Variants in FLNB observed in about 807,000 individuals in gnomAD.
The protein encoded by FLNB is filamin-B.
In FLNB, 111 loss-of-function variants were observed where a neutral mutation model predicts 250.6. The observed-to-expected ratio is 0.44, with a 90% CI of 0.38 to 0.52. The LOEUF (loss-of-function observed/expected upper bound fraction) is 0.52, where lower values mean the gene tolerates loss of function less well. Among genes scored for constraint, FLNB ranks in the 20% least tolerant of loss-of-function variants. FLNB has a pLI of 0.00. For synonymous variants in FLNB, 1,302 were observed against 1,372.1 expected (o/e 0.95, Z 1.13); for missense variants, 2,869 against 3,447.8 (o/e 0.83, Z 4.20).
chr3:58,076,449 G>A (rs2106944067), intron 1 of FLNB, among the ~76,000 whole-genome samples: 1 of 152,144 alleles, frequency 6.6e-6, no homozygotes, highest in South Asian at 2.1e-4. Flanking sequence ...GTGTATATTT[G>A]TGAAATGATT....
rs754654191 is a variant in FLNB at position 58,130,796 on chromosome 3, T to C, written c.4278T>C (p.Ile1426=). 1 of 1,613,952 alleles carries C rather than the reference T, an allele frequency of 6.2e-7. No individual in the cohort carries two copies. Among genetic ancestry groups the C allele is most frequent in the Admixed American group, 1.7e-5 (1 of 60,012 alleles). ...TTGTGGACCCCAGCAAGGTCAAGAT[T>C]GCCGGCCCCGGGCTGGGCTCAGGCG... is the stretch of plus-strand genomic sequence containing the variant. ...KDVVDPSKVK[I]AGPGLGSGVR... is the part of the protein sequence containing the mutation. Residue 1426 remains isoleucine (I), a synonymous_variant, in exon 25 of 46, where the codon ATT becomes ATC. Transcript: ENST00000295956.
intron 10 of FLNB, among the ~76,000 whole-genome samples, chr3:58,104,360 G>A (rs1469985450): frequency 6.6e-6 from 1 of 152,200 alleles, no homozygotes; most frequent in African/African-American, 2.4e-5. Context: ...CAAATGGGCT[G>A]TGTGTCTAGA....
At chr3:58,100,369 A>ATATATATATATATATATATATATATATAT (rs1559692340) in intron 8 of FLNB, among the ~76,000 whole-genome samples, 2 of 26,618 alleles carry the variant, frequency 7.5e-5, no homozygotes, top group African/African-American at 6.0e-4. Flanking sequence ...ATATGTAAAA[A>ATATATATATATATATATATATATATATAT]AAAAATATAT....
In FLNB at chr3:58,154,952, G is replaced by A. The variant is rs536538257; in HGVS notation, c.6772+24G>A. ...TGGTATGTATTCAGGGTTCACAAGA[G>A]GACATTTTCCTTGTTTGAACATGAT... On this transcript the variant is annotated intron_variant, in intron 40 of 45. Transcript: ENST00000295956. The A allele has an allele frequency of 2.5e-6, 4 of 1,611,834 alleles. No homozygotes were observed. The South Asian group carries it at 4.4e-5, about 18-fold the overall frequency.
chr3:58,020,514 C>T (rs959884253), intron 1 of FLNB, among the ~76,000 whole-genome samples: 3 of 152,310 alleles, frequency 2.0e-5, no homozygotes, highest in South Asian at 4.1e-4. Context: ...CCTCCCCAGC[C>T]GTCGCAGGGC....
intron 18 of FLNB, among the ~76,000 whole-genome samples, chr3:58,117,584 G>T (rs1456503169): frequency 6.6e-6 from 1 of 152,274 alleles, no homozygotes; most frequent in South Asian, 2.1e-4. Flanking sequence ...GGAATGCCAC[G>T]TTGGCTGAAG....
chr3:58,103,918 C>T (rs757793900), intron 9 of FLNB, 41 bp from the exon 10 acceptor site: 1 of 1,613,084 alleles, frequency 6.2e-7, no homozygotes, highest in Non-Finnish European at 8.5e-7. Context: ...CATTTTGGGC[C>T]TAGGATTGTG....
intron 1 of FLNB, among the ~76,000 whole-genome samples, chr3:58,026,130 C>T (rs184580118): frequency 3.9e-5 from 6 of 152,292 alleles, no homozygotes; most frequent in Admixed American, 3.9e-4. Context: ...CACGTTAATG[C>T]CATGGGCTAC....
chr3:58,010,527 C>A (rs2097097077), intron 1 of FLNB, among the ~76,000 whole-genome samples: 1 of 152,196 alleles, frequency 6.6e-6, no homozygotes, highest in Non-Finnish European at 1.5e-5. Context: ...TGGGGTCCAT[C>A]TCCTGTACTG....
chr3:58,152,798 C>G (rs1440840349), intron 38 of FLNB: 1 of 1,308,006 alleles, frequency 7.6e-7, no homozygotes, highest in South Asian at 1.2e-5. Flanking sequence ...TGCTCCGTGC[C>G]CCGCATGCGG....
intron 19 of FLNB, among the ~76,000 whole-genome samples, chr3:58,119,901 C>T (rs906724399): frequency 3.3e-5 from 5 of 152,214 alleles, no homozygotes; most frequent in African/African-American, 1.2e-4. Context: ...CCTACTTCTT[C>T]GGCCTGCCTT....
chr3:58,146,707 G>A (rs917912618), intron 33 of FLNB, 113 bp from the exon 34 acceptor site: 26 of 1,096,976 alleles, frequency 2.4e-5, no homozygotes, highest in African/African-American at 2.0e-4. Context: ...CGTGGAGTGC[G>A]TCAATCCATT....
At chr3:58,022,994 T>G (rs1318490614) in intron 1 of FLNB, among the ~76,000 whole-genome samples, 1 of 151,780 alleles carries the variant, frequency 6.6e-6, no homozygotes, top group Non-Finnish European at 1.5e-5. Flanking sequence ...TTTTGTATTT[T>G]TAGTAGAGAC....
At chr3:58,125,504 C>A in intron 22 of FLNB, 77 bp from the exon 23 acceptor site, 2 of 1,525,592 alleles carry the variant, frequency 1.3e-6, no homozygotes, top group Non-Finnish European at 1.8e-6. Context: ...CTAGATGAAA[C>A]TCTGAAGTAG....
intron 18 of FLNB, among the ~76,000 whole-genome samples, chr3:58,114,717 TTTGTTG>T (rs986565178): frequency 6.6e-6 from 1 of 150,478 alleles, no homozygotes; most frequent in African/African-American, 2.4e-5. Flanking sequence ...GTTTTTTTTT[TTTGTTG>T]TTGTTGTTGT....
chr3:58,169,659 C>T lies in FLNB; in HGVS notation c.7487C>T (p.Ser2496Leu), dbSNP rs149182236. The T allele has an allele frequency of 2.5e-5, 41 of 1,613,946 alleles. No homozygotes were observed. In the East Asian group the frequency reaches 6.9e-4, roughly 27 times the overall value. ...ATCCTGGTGGAGTCAGTGACCAGGT[C>T]GTCTACAGAGACCTGCTATAGCGCC... is the stretch of plus-strand genomic sequence containing the variant. ...SSILVESVTR[S>L]STETCYSAIP... Residue 2496 changes from serine (S) to leucine (L), a missense_variant, in exon 45 of 46, where the codon TCG becomes TTG. Physicochemically the swap from Ser to Leu is moderately radical, Grantham distance 145. Coordinates refer to ENST00000295956, the MANE Select transcript of FLNB (RefSeq NM_001457.4). This position sits in a 1 kb window ranked among gnomAD's most constrained non-coding sequence, Gnocchi z 4.8.
At chr3:58,084,514 C>G (rs989483451) in intron 4 of FLNB, among the ~76,000 whole-genome samples, 2 of 151,958 alleles carry the variant, frequency 1.3e-5, no homozygotes, top group African/African-American at 4.8e-5. Context: ...TCATCTGCCT[C>G]TTAGCAAGTG....
chr3:58,115,352 T>C (rs2097276122), intron 18 of FLNB, among the ~76,000 whole-genome samples: 1 of 152,240 alleles, frequency 6.6e-6, no homozygotes, highest in Non-Finnish European at 1.5e-5. Context: ...TGACGTCTTC[T>C]AAAAACATTT....
chr3:58,034,417 A>G (rs1056922068), intron 1 of FLNB, among the ~76,000 whole-genome samples: 1 of 145,138 alleles, frequency 6.9e-6, no homozygotes, highest in Non-Finnish European at 1.5e-5. Flanking sequence ...TTTTTTTTTG[A>G]GAGTTTCGCC....
Sources: allele counts gnomAD v4.1 joint callset (sites outside exome capture counted in the v4.1 genomes callset), GRCh38; gene constraint gnomAD v4.1.1; non-coding constraint Gnocchi (gnomAD v3.1); transcripts MANE v1.5; gene names NCBI Gene and HGNC (gene_info 2026-07-23, HGNC 2026-07-21).